Variants in EPM2A observed in about 807,000 individuals in gnomAD.
EPM2A encodes laforin.
Under a neutral mutation model 26.5 loss-of-function variants are expected in EPM2A, and 21 were observed. The observed-to-expected ratio is 0.79, with a 90% CI of 0.56 to 1.14. The LOEUF is 1.14. Among genes scored for constraint, EPM2A ranks in the 50% most tolerant of loss-of-function variants. The pLI is 0.00. For synonymous variants in EPM2A, 217 were observed against 177.6 expected (o/e 1.22, Z -1.76); for missense variants, 458 against 440.8 (o/e 1.04, Z -0.35).
At chr6:145,584,545 C>A (rs555626219) in intron 2 of EPM2A, among the ~76,000 whole-genome samples, 88 of 152,280 alleles carry the variant, frequency 5.8e-4, no homozygotes, top group African/African-American at 2.0e-3. Context: ...AACCTCTGGG[C>A]TCCACACAGG....
chr6:145,486,654 A>G (rs540993016), intron 4 of EPM2A, among the ~76,000 whole-genome samples: 1 of 151,824 alleles, frequency 6.6e-6, no homozygotes, highest in Non-Finnish European at 1.5e-5. Context: ...TGCTATCTTT[A>G]TATATTTGAC....
At chr6:145,441,796 AG>A (rs1409745176) in intron 4 of EPM2A, among the ~76,000 whole-genome samples, 1 of 152,234 alleles carries the variant, frequency 6.6e-6, no homozygotes, top group Non-Finnish European at 1.5e-5. Flanking sequence ...TGGGAGGCAA[AG>A]ATTGCAGTGA....
chr6:145,520,785 G>T (rs1437613648), intron 2 of EPM2A, among the ~76,000 whole-genome samples: 2 of 152,148 alleles, frequency 1.3e-5, no homozygotes, highest in Non-Finnish European at 2.9e-5. Flanking sequence ...GACCACAAGG[G>T]CCATGGGGAG....
chr6:145,611,930 T>C (rs939522120), intron 2 of EPM2A, among the ~76,000 whole-genome samples: 1 of 152,186 alleles, frequency 6.6e-6, no homozygotes, highest in Non-Finnish European at 1.5e-5. Context: ...TGGCTTGAAC[T>C]CTATTCTTGC....
chr6:145,387,532 G>T (rs528489146), intron 4 of EPM2A, among the ~76,000 whole-genome samples: 12 of 152,074 alleles, frequency 7.9e-5, no homozygotes, highest in Admixed American at 7.2e-4. Flanking sequence ...GTTTTGTCAG[G>T]CACCAGAGGG....
chr6:145,546,448 T>C (rs1780584563), intron 2 of EPM2A, among the ~76,000 whole-genome samples: 1 of 152,164 alleles, frequency 6.6e-6, no homozygotes, highest in African/African-American at 2.4e-5. Context: ...CTCAATCCAC[T>C]GATTCAAAGT....
chr6:145,726,062 T>A (rs1776189343), intron 1 of EPM2A, among the ~76,000 whole-genome samples: 1 of 152,054 alleles, frequency 6.6e-6, no homozygotes, highest in Non-Finnish European at 1.5e-5. Context: ...CTTGGAGAAA[T>A]GTCCAATTTT....
chr6:145,627,230 G>A lies in EPM2A; in HGVS notation c.*186C>T. ...TGTGTTGAGCCACAGCTTTCTTGTA[G>A]AGTATTTCAAAAATACAGCCCCAAA... On this transcript the variant is annotated 3_prime_UTR_variant, in exon 4 of 4. Transcript: ENST00000367519. The A allele has an allele frequency of 1.3e-6, 2 of 1,485,476 alleles. No homozygotes were observed. The highest frequency in any genetic ancestry group is 8.9e-7 in the Non-Finnish European group (1 of 1,128,190). The allele number at this position is 1,485,476 out of a possible 1,614,324, so 92.0% of individuals were successfully genotyped here.
At chr6:145,474,587 A>G (rs1196297060) in intron 4 of EPM2A, among the ~76,000 whole-genome samples, 1 of 152,202 alleles carries the variant, frequency 6.6e-6, no homozygotes, top group Non-Finnish European at 1.5e-5. Context: ...CTAAAACACC[A>G]AAAGCAATGG....
intron 2 of EPM2A, among the ~76,000 whole-genome samples, chr6:145,599,645 A>G (rs533934762): frequency 6.6e-6 from 1 of 152,048 alleles, no homozygotes; most frequent in Non-Finnish European, 1.5e-5. Context: ...ATATATTGGA[A>G]TCTTCTATAT....
intron 2 of EPM2A, among the ~76,000 whole-genome samples, chr6:145,641,614 C>G (rs1777091081): frequency 6.6e-6 from 1 of 152,200 alleles, no homozygotes; most frequent in East Asian, 1.9e-4. Flanking sequence ...TATCCATACA[C>G]CAGACGTCCT....
chr6:145,682,578 T>C (rs894128553), intron 2 of EPM2A: 1 of 152,232 alleles, frequency 6.6e-6, no homozygotes, highest in Non-Finnish European at 1.5e-5. Context: ...GCTGTTTACA[T>C]GTTGTCTTCC....
At chr6:145,390,389 C>G (rs575487333) in intron 4 of EPM2A, among the ~76,000 whole-genome samples, 18 of 151,722 alleles carry the variant, frequency 1.2e-4, no homozygotes, top group Non-Finnish European at 2.4e-4. Context: ...ATCTGGGCAC[C>G]TGGCCCAGCC....
chr6:145,649,164 T>C (rs1183945369), intron 2 of EPM2A, among the ~76,000 whole-genome samples: 3 of 152,150 alleles, frequency 2.0e-5, no homozygotes, highest in Admixed American at 6.5e-5. Flanking sequence ...GTAATTCTCA[T>C]AGATTTCGAG....
intron 4 of EPM2A, among the ~76,000 whole-genome samples, chr6:145,483,686 G>A (rs413880): frequency 0.55 from 84,024 of 151,954 alleles, 23,931 homozygotes; most frequent in African/African-American, 0.7. Context: ...ACAAGCTGTG[G>A]TGTTAAACAA....
At chr6:145,495,389 T>A (rs1021290046) in intron 4 of EPM2A, among the ~76,000 whole-genome samples, 6 of 152,142 alleles carry the variant, frequency 3.9e-5, no homozygotes, top group East Asian at 3.9e-4. Flanking sequence ...TGTTATTGCA[T>A]GTGAGATGGG....
intron 4 of EPM2A, among the ~76,000 whole-genome samples, chr6:145,485,208 A>G (rs1003390706): frequency 1.3e-5 from 2 of 152,036 alleles, no homozygotes; most frequent in African/African-American, 2.4e-5. Flanking sequence ...ATAAAGCCTG[A>G]GAAGGAATGG....
chr6:145,606,918 G>C (rs1775275172), intron 2 of EPM2A, among the ~76,000 whole-genome samples: 1 of 152,110 alleles, frequency 6.6e-6, no homozygotes, highest in African/African-American at 2.4e-5. Context: ...GCTATTTCTT[G>C]TAAATGCCTA....
At chr6:145,586,832 C>G (rs950989012) in intron 2 of EPM2A, among the ~76,000 whole-genome samples, 1 of 152,140 alleles carries the variant, frequency 6.6e-6, no homozygotes, top group Admixed American at 6.5e-5. Flanking sequence ...ATTCTGCTTA[C>G]TCTACTTAAA....
Sources: allele counts gnomAD v4.1 joint callset (sites outside exome capture counted in the v4.1 genomes callset), GRCh38; gene constraint gnomAD v4.1.1; transcripts MANE v1.5; gene names NCBI Gene and HGNC (gene_info 2026-07-23, HGNC 2026-07-21).